The following MDFIC2 variants were observed in gnomAD, a reference collection of about 807,000 sequenced individuals.
MDFIC2 encodes the protein MyoD family inhibitor domain containing 2, also known as myoD family inhibitor domain-containing protein 2.
At chr3:70,282,018 A>G (rs999155566) in intron 2 of MDFIC2, among the ~76,000 whole-genome samples, 3 of 152,160 alleles carry the variant, frequency 2.0e-5, no homozygotes, top group African/African-American at 7.2e-5. Flanking sequence ...CCAGAACACC[A>G]GGGGTGCAGT....
chr3:70,296,775 C>T (rs754171280), intron 2 of MDFIC2, among the ~76,000 whole-genome samples: 10 of 152,084 alleles, frequency 6.6e-5, no homozygotes, highest in Non-Finnish European at 1.5e-4. Context: ...CGACTATCAG[C>T]TTTCTTCCAA....
At chr3:70,292,537 C>T (rs1417141032) in intron 2 of MDFIC2, among the ~76,000 whole-genome samples, 2 of 152,026 alleles carry the variant, frequency 1.3e-5, no homozygotes, top group Non-Finnish European at 2.9e-5. Flanking sequence ...GTTTGAGAGG[C>T]ATTAAAAAAG....
chr3:70,289,241 T>G (rs553277644), intron 2 of MDFIC2, among the ~76,000 whole-genome samples: 12,589 of 150,296 alleles, frequency 0.084, 486 homozygotes, highest in South Asian at 0.12. Context: ...AGGAGCTCTT[T>G]TAGGGCAGGC....
chr3:70,227,395 G>A (rs1228262223), intron 2 of MDFIC2, among the ~76,000 whole-genome samples: 1 of 152,162 alleles, frequency 6.6e-6, no homozygotes, highest in Non-Finnish European at 1.5e-5. Context: ...AGAAAACAAT[G>A]TGATTCAAAA....
intron 2 of MDFIC2, among the ~76,000 whole-genome samples, chr3:70,237,977 A>ATTTTTTTTTT (rs1251005797): frequency 6.9e-3 from 89 of 12,908 alleles, no homozygotes; most frequent in African/African-American, 0.013. Context: ...ATTGAGTGGT[A>ATTTTTTTTTT]TCTTTTTTTT....
chr3:70,247,862 T>C (rs1701722952), intron 2 of MDFIC2, among the ~76,000 whole-genome samples: 1 of 152,074 alleles, frequency 6.6e-6, no homozygotes, highest in South Asian at 2.1e-4. Flanking sequence ...CATGAAGCAC[T>C]AAAATAATAT....
chr3:70,310,457 C>T (rs77008710), intron 2 of MDFIC2, among the ~76,000 whole-genome samples: 29,356 of 150,614 alleles, frequency 0.19, 2,962 homozygotes, highest in South Asian at 0.28. Flanking sequence ...CCTCTGCCTC[C>T]CCAGTTCAAG....
intron 2 of MDFIC2, among the ~76,000 whole-genome samples, chr3:70,290,378 CA>C (rs1399514052): frequency 1.3e-5 from 2 of 152,186 alleles, no homozygotes. Flanking sequence ...GCTCGGGGGC[CA>C]GGGGTCAGGG....
chr3:70,286,318 C>A (rs952567395), intron 2 of MDFIC2, among the ~76,000 whole-genome samples: 6 of 152,248 alleles, frequency 3.9e-5, no homozygotes, highest in African/African-American at 1.2e-4. Context: ...AATAGGGAAT[C>A]CTTTCCCCAT....
chr3:70,203,054 T>C (rs1191040572), intron 3 of MDFIC2, among the ~76,000 whole-genome samples: 2 of 152,012 alleles, frequency 1.3e-5, no homozygotes, highest in African/African-American at 4.8e-5. Context: ...TCCTGAAGCA[T>C]TTCTGAGCTG....
Position 70,233,822 on chromosome 3 carries a change from A to AT in MDFIC2, c.89-27033dup, listed in dbSNP as rs541332199. 5.5e-4 allele frequency among the ~76,000 whole-genome samples: 84 copies of AT among 152,150 alleles called. No homozygotes were observed. In the South Asian group the frequency reaches 6.2e-3, roughly 11 times the overall value. On this transcript the variant is annotated intron_variant, in intron 2 of 3. Coordinates refer to ENST00000567252, the MANE Select transcript of MDFIC2 (RefSeq NM_001364677.1). The stretch of plus-strand genomic sequence containing the variant: ...ATTCAGATTGTTGCATATCTAAACA[A>AT]TTTTTTTTAGCTGAGTAATATTTAG...
chr3:70,214,956 A>C (rs889173390), intron 2 of MDFIC2, among the ~76,000 whole-genome samples: 1 of 152,164 alleles, frequency 6.6e-6, no homozygotes, highest in African/African-American at 2.4e-5. Flanking sequence ...CTGAAAAAAT[A>C]AATGAAGCCA....
intron 2 of MDFIC2, among the ~76,000 whole-genome samples, chr3:70,237,780 C>T (rs1277772500): frequency 2.0e-5 from 3 of 152,084 alleles, no homozygotes; most frequent in Admixed American, 6.6e-5. Context: ...ATTTGTATGC[C>T]GGTGCCATGG....
chr3:70,249,795 T>C (rs1701742929), intron 2 of MDFIC2: 1 of 152,174 alleles, frequency 6.6e-6, no homozygotes, highest in African/African-American at 2.4e-5. Flanking sequence ...GTTGCTAAGA[T>C]ACGGTAGTTA....
intron 2 of MDFIC2, among the ~76,000 whole-genome samples, chr3:70,265,342 T>C (rs1158007323): frequency 1.3e-5 from 2 of 152,196 alleles, no homozygotes; most frequent in African/African-American, 4.8e-5. Flanking sequence ...TTCTTTTCAC[T>C]AATGGAATGC....
At chr3:70,228,208 T>C (rs1701526868) in intron 2 of MDFIC2, among the ~76,000 whole-genome samples, 2 of 152,098 alleles carry the variant, frequency 1.3e-5, no homozygotes, top group African/African-American at 4.8e-5. Context: ...TTACAGCTAA[T>C]ATCCACTATG....
intron 2 of MDFIC2, chr3:70,283,917 T>C (rs533745705): frequency 1.6e-4 from 25 of 152,254 alleles, no homozygotes; most frequent in African/African-American, 6.0e-4. Context: ...ACATGTGCTA[T>C]TAATAATCTT....
chr3:70,302,022 T>A (rs1702353988), intron 2 of MDFIC2, among the ~76,000 whole-genome samples: 1 of 152,140 alleles, frequency 6.6e-6, no homozygotes, highest in South Asian at 2.1e-4. Context: ...GGTGTGGAAA[T>A]TTAGCTCAAG....
intron 2 of MDFIC2, chr3:70,302,617 G>A (rs146343778): frequency 3.1e-4 from 47 of 152,122 alleles, no homozygotes; most frequent in African/African-American, 1.1e-3. Flanking sequence ...CTTCCTATTG[G>A]GACTGGAGGA....
Sources: allele counts gnomAD v4.1 joint callset (sites outside exome capture counted in the v4.1 genomes callset), GRCh38; gene constraint gnomAD v4.1.1; transcripts MANE v1.5; gene names NCBI Gene and HGNC (gene_info 2026-07-23, HGNC 2026-07-21).